Variants in INVS observed in about 807,000 individuals in gnomAD.
INVS encodes the protein inversin.
In INVS, 86 loss-of-function variants were observed where a neutral mutation model predicts 108.8. The ratio of observed to expected loss-of-function variants is 0.79; its 90% CI spans 0.66 to 0.95. The LOEUF is 0.95. Ranked by LOEUF, INVS falls within the 40% of genes least tolerant of loss-of-function variation. The probability of loss-of-function intolerance (pLI) is 0.00; values close to 1 mark genes in which losing one functional copy is unlikely to be tolerated. For missense variants in INVS, 1,169 were observed against 1,297.4 expected, an observed-to-expected ratio of 0.90 and a Z score of 1.52; for synonymous variants, 455 against 473.5, an observed-to-expected ratio of 0.96 and a Z score of 0.51.
chr9:100,171,263 C>T lies in INVS; in HGVS notation c.273+44714C>T, dbSNP rs577322363. ...ACTGTATTTTTTCTATGTTTAGATA[C>T]GTTTAGACACATGAATACTTACCAT... On this transcript the variant is annotated intron_variant, in intron 3 of 16. Transcript: ENST00000262457. Among the ~76,000 whole-genome samples the T allele has an allele frequency of 2.1e-4, 32 of 152,162 alleles. No individual in the cohort carries two copies. The East Asian group carries it at 2.9e-3, about 14-fold the overall frequency.
chr9:100,200,214 G>A (rs1830496550), intron 3 of INVS, among the ~76,000 whole-genome samples: 1 of 152,016 alleles, frequency 6.6e-6, no homozygotes, highest in African/African-American at 2.4e-5. Context: ...TTTCTGTTAA[G>A]TCTTTGACCA....
At chr9:100,294,409 G>A (rs986182620) in intron 14 of INVS, among the ~76,000 whole-genome samples, 2 of 152,166 alleles carry the variant, frequency 1.3e-5, no homozygotes, top group African/African-American at 2.4e-5. Flanking sequence ...ACCCAGAGCC[G>A]GGTGATCTGG....
At chr9:100,116,146 T>C (rs1827517307) in intron 2 of INVS, among the ~76,000 whole-genome samples, 1 of 150,294 alleles carries the variant, frequency 6.7e-6, no homozygotes, top group Admixed American at 6.6e-5. Flanking sequence ...CTCTGTCACC[T>C]AAGCTGGAGT....
intron 11 of INVS, among the ~76,000 whole-genome samples, chr9:100,267,706 G>GA (rs1832835351): frequency 6.6e-6 from 1 of 152,230 alleles, no homozygotes; most frequent in Middle Eastern, 3.4e-3. Context: ...AATTTGGGAT[G>GA]AAAAAAGATT....
chr9:100,128,885 G>T (rs570948810), intron 3 of INVS, among the ~76,000 whole-genome samples: 1 of 152,270 alleles, frequency 6.6e-6, no homozygotes, highest in Admixed American at 6.5e-5. Context: ...AATGCTTAAA[G>T]ATATGAAAGA....
At chr9:100,229,609 G>A (rs1172409831) in intron 4 of INVS, 51 bp from the exon 5 acceptor site, 1 of 1,548,234 alleles carries the variant, frequency 6.5e-7, no homozygotes, top group Non-Finnish European at 8.9e-7. Flanking sequence ...TAAAAGATTG[G>A]GGAAAGTTAG....
chr9:100,271,024 G>A lies in INVS; in HGVS notation c.1572-1840G>A, dbSNP rs553086949. 6.6e-5 allele frequency among the ~76,000 whole-genome samples: 10 copies of A among 151,790 alleles called. No individual in the cohort carries two copies. The South Asian group carries it at 1.2e-3, about 19-fold the overall frequency. ...CAACAATATGACAATAATATTCATCGTTTCTAAATAATGTATTTATCAAAA... is the reference window on the plus strand; with the variant it reads ...CAACAATATGACAATAATATTCATCATTTCTAAATAATGTATTTATCAAAA... On this transcript the variant is annotated intron_variant, in intron 11 of 16. Transcript: ENST00000262457.
intron 3 of INVS, among the ~76,000 whole-genome samples, chr9:100,168,388 T>TC (rs1464006835): frequency 6.6e-6 from 1 of 152,184 alleles, no homozygotes; most frequent in Non-Finnish European, 1.5e-5. Context: ...TATGATTTGT[T>TC]CATTTTTATA....
intron 8 of INVS, among the ~76,000 whole-genome samples, chr9:100,251,364 G>C (rs1430670773): frequency 6.6e-6 from 1 of 152,214 alleles, no homozygotes; most frequent in Non-Finnish European, 1.5e-5. Context: ...AACTGGCCAA[G>C]GCCTCTAAAG....
At chr9:100,117,256 C>T (rs1195112856) in intron 2 of INVS, 31 of 781,928 alleles carry the variant, frequency 4.0e-5, no homozygotes, top group Non-Finnish European at 5.5e-5. Context: ...TAGCAACAAA[C>T]GCTTTGAACC....
At chr9:100,176,995 T>TA (rs112846058) in intron 3 of INVS, among the ~76,000 whole-genome samples, 179 of 137,454 alleles carry the variant, frequency 1.3e-3, no homozygotes, top group African/African-American at 2.4e-3. Context: ...ATATCACCTT[T>TA]AAAAAAAAAA....
chr9:100,228,710 C>T (rs1215959822), intron 4 of INVS, among the ~76,000 whole-genome samples: 1 of 152,180 alleles, frequency 6.6e-6, no homozygotes, highest in East Asian at 1.9e-4. Flanking sequence ...TCAGTTCAGC[C>T]ACTTACTTCC....
chr9:100,276,306 G>A (rs1047310576), intron 12 of INVS, among the ~76,000 whole-genome samples: 5 of 152,098 alleles, frequency 3.3e-5, no homozygotes, highest in South Asian at 2.1e-4. Context: ...ATCATTGGAC[G>A]TTTCCATTTG....
chr9:100,191,966 G>A (rs1830236400), intron 3 of INVS, among the ~76,000 whole-genome samples: 1 of 152,128 alleles, frequency 6.6e-6, no homozygotes, highest in South Asian at 2.1e-4. Flanking sequence ...CTTGGTTATA[G>A]AGAATCTTTG....
At position 100,272,966 on chromosome 9, in the gene INVS, C is replaced by T. The variant is rs143140689; in HGVS notation, c.1674C>T (p.Ala558=). 1.7e-5 allele frequency: 27 copies of T among 1,613,856 alleles called. No individual in the cohort carries two copies. Among genetic ancestry groups the T allele is most frequent in the South Asian group, 6.6e-5 (6 of 91,084 alleles). The stretch of plus-strand genomic sequence containing the variant: ...CCATCGCAGCCATACAAGACATCGC[C>T]GCCTTCAAAATCCAAGCTGTCTACA... ...ALSIAAIQDI[A]AFKIQAVYKG... Residue 558 remains alanine, a synonymous_variant, in exon 12 of 17, where the codon GCC becomes GCT. Coordinates refer to ENST00000262457, the MANE Select transcript of INVS (RefSeq NM_014425.5).
At chr9:100,274,736 CT>C (rs748216724) in intron 12 of INVS, among the ~76,000 whole-genome samples, 6 of 152,166 alleles carry the variant, frequency 3.9e-5, no homozygotes, top group Non-Finnish European at 8.8e-5. Context: ...AACTCCTGAC[CT>C]CAAGTGATCT....
At chr9:100,175,421 G>T in intron 3 of INVS, 3 of 908,794 alleles carry the variant, frequency 3.3e-6, no homozygotes, top group Non-Finnish European at 3.6e-6. Context: ...TCCTGGTCAA[G>T]AAACAGATGA....
intron 5 of INVS, among the ~76,000 whole-genome samples, chr9:100,238,780 G>T (rs534954319): frequency 1.6e-4 from 24 of 152,218 alleles, no homozygotes; most frequent in African/African-American, 5.8e-4. Context: ...ACTTCTAAAA[G>T]TTCTATTTGG....
intron 3 of INVS, among the ~76,000 whole-genome samples, chr9:100,168,081 T>C (rs1399031741): frequency 6.6e-6 from 1 of 152,136 alleles, no homozygotes; most frequent in East Asian, 1.9e-4. Flanking sequence ...CCACAGACTG[T>C]CCATTTGAGC....
Sources: allele counts gnomAD v4.1 joint callset (sites outside exome capture counted in the v4.1 genomes callset), GRCh38; gene constraint gnomAD v4.1.1; transcripts MANE v1.5; gene names NCBI Gene and HGNC (gene_info 2026-07-23, HGNC 2026-07-21).